Variants in PARP9 observed in about 807,000 individuals in gnomAD.
PARP9 encodes protein mono-ADP-ribosyltransferase PARP9.
Under a neutral mutation model 68.8 loss-of-function variants are expected in PARP9, and 48 were observed. The observed-to-expected ratio is 0.70, with a 90% CI of 0.55 to 0.89. PARP9 has a LOEUF of 0.89. Ranked by LOEUF, PARP9 falls within the 40% of genes least tolerant of loss-of-function variation. The pLI is 0.00. For missense variants in PARP9, 806 were observed against 969.3 expected, an observed-to-expected ratio of 0.83 and a Z score of 2.24; for synonymous variants, 309 against 333.8, an observed-to-expected ratio of 0.93 and a Z score of 0.81.
At chr3:122,557,171 A>T (rs1350853107) in intron 3 of PARP9, among the ~76,000 whole-genome samples, 1 of 151,744 alleles carries the variant, frequency 6.6e-6, no homozygotes. Context: ...TCTCAGAGGC[A>T]TTTCCCAGAG....
chr3:122,537,922 G>C (rs1258785365), intron 8 of PARP9, among the ~76,000 whole-genome samples: 2 of 151,968 alleles, frequency 1.3e-5, no homozygotes, highest in Non-Finnish European at 2.9e-5. Context: ...TAAATATACA[G>C]GTGGACAAAT....
Position 122,535,685 on chromosome 3 carries a change from C to T in PARP9, c.2080+483G>A, listed in dbSNP as rs1018553318. On this transcript the variant is annotated intron_variant, in intron 10 of 10. Transcript: ENST00000682323. ...GATCTTAAGATGTTATGCACTTCAC[C>T]TGCCAAATGATACCTAATTCATTCA... 10 of 987,988 alleles carry T rather than the reference C, an allele frequency of 1.0e-5. No homozygotes were observed. The African/African-American group carries it at 1.6e-4, about 16-fold the overall frequency. 61.2% of individuals were successfully genotyped at this position (987,988 alleles called of 1,614,324 possible).
At chr3:122,539,377 C>T (rs918689743) in intron 8 of PARP9, among the ~76,000 whole-genome samples, 1 of 152,150 alleles carries the variant, frequency 6.6e-6, no homozygotes, top group Non-Finnish European at 1.5e-5. Flanking sequence ...AGACTTTGAG[C>T]AGGAACAATG....
At position 122,555,321 on chromosome 3, in the gene PARP9, G is replaced by A. The variant is rs1351001314; in HGVS notation, c.850C>T (p.Leu284Phe). ...FNAMVVNNLT[L>F]QIVQGHIEWQ... ...TCAATGTGGCCCTGGACAATCTGGA[G>A]GGTCAGGTTGTTCACGACCATTGCA... Residue 284 changes from leucine to phenylalanine, a missense_variant, in exon 4 of 11, where the codon CTC becomes TTC. This residue lies in a region of PARP9 where 680 missense variants were observed against 858.8 expected (regional missense o/e 0.79). Transcript: ENST00000682323. The A allele has an allele frequency of 1.2e-6, 2 of 1,613,776 alleles. No homozygotes were observed. The highest frequency in any genetic ancestry group is 1.7e-6 in the Non-Finnish European group (2 of 1,179,770).
In PARP9 at chr3:122,556,133, GAGAAGATTAAAA is replaced by G. The variant is rs1559872620; in HGVS notation, c.50-24_50-13del. 14 of 169,062 alleles carry G rather than the reference GAGAAGATTAAAA, an allele frequency of 8.3e-5. No homozygotes were observed. Among genetic ancestry groups the G allele is most frequent in the Middle Eastern group, 2.0e-3 (1 of 508 alleles). 10.5% of individuals were successfully genotyped at this position (169,062 alleles called of 1,614,324 possible). ...AAGAGCACCAGTCTCTGGAAAAGAAGAGAAGATTAAAAAAAAAAAAAAAAAAAAAAAAAAAAA... is the reference window on the plus strand; with the variant it reads ...AAGAGCACCAGTCTCTGGAAAAGAAGAAAAAAAAAAAAAAAAAAAAAAAAA... On this transcript the variant is annotated splice_polypyrimidine_tract_variant and intron_variant, in intron 3 of 10. Transcript: ENST00000682323.
Position 122,550,617 on chromosome 3 carries a change from A to G in PARP9, c.1293T>C (p.Phe431=), listed in dbSNP as rs748613851. ...TCTCCAAATCTGTTGGAAAGATCAC[A>G]AATTTTACAGTTAACTGGTGTTTTA... The part of the protein sequence containing the change: ...DHVKHQLTVK[F]VIFPTDLEIY... Residue 431 remains phenylalanine, a synonymous_variant, in exon 6 of 11, where the codon TTT becomes TTC. Transcript: ENST00000682323. 2.5e-6 allele frequency: 4 copies of G among 1,613,296 alleles called. No individual in the cohort carries two copies. In the East Asian group the frequency reaches 8.9e-5, roughly 36 times the overall value.
chr3:122,546,561 A>G (rs1321782791), intron 6 of PARP9, among the ~76,000 whole-genome samples: 1 of 152,228 alleles, frequency 6.6e-6, no homozygotes, highest in East Asian at 1.9e-4. Context: ...AAGAAAATAC[A>G]TGCTTATTAA....
In PARP9 at chr3:122,533,551, G is replaced by A. The variant is rs1161560767; in HGVS notation, c.2080+2617C>T. On this transcript the variant is annotated intron_variant, in intron 10 of 10. Coordinates refer to ENST00000682323, the MANE Select transcript of PARP9 (RefSeq NM_001146105.2). ...GGAAAAAAGAGAGAAGATAAAGAATGGGCAACAGGTGAACTCGTGAGATTA... is the reference window on the plus strand; with the variant it reads ...GGAAAAAAGAGAGAAGATAAAGAATAGGCAACAGGTGAACTCGTGAGATTA... The A allele has an allele frequency of 7.4e-5, 31 of 418,446 alleles. No individual in the cohort carries two copies. In the Admixed American group the frequency reaches 1.9e-3, roughly 26 times the overall value. The allele number at this position is 418,446 out of a possible 1,614,324, so 25.9% of individuals were successfully genotyped here. A position where few individuals can be genotyped will look rare whatever the true frequency, so the allele number is the denominator to read the frequency against.
intron 8 of PARP9, among the ~76,000 whole-genome samples, chr3:122,538,758 G>A (rs549789743): frequency 6.6e-6 from 1 of 151,844 alleles, no homozygotes; most frequent in South Asian, 2.1e-4. Flanking sequence ...GTTCCCCTAA[G>A]CTGGCACTGG....
At chr3:122,539,515 CT>C (rs1429357977) in intron 8 of PARP9, among the ~76,000 whole-genome samples, 1 of 23,182 alleles carries the variant, frequency 4.3e-5, no homozygotes, top group Non-Finnish European at 9.3e-5. Context: ...GCATTTCTTT[CT>C]TTCTTTCTTT....
chr3:122,549,433 C>A (rs2079015931), intron 6 of PARP9, among the ~76,000 whole-genome samples: 1 of 152,088 alleles, frequency 6.6e-6, no homozygotes, highest in Non-Finnish European at 1.5e-5. Context: ...GTTATATAGC[C>A]AGCGAGAGGC....
At position 122,528,375 on chromosome 3, in the gene PARP9, G is replaced by A. The variant is rs1261466540; in HGVS notation, c.2449C>T (p.Pro817Ser). 1.2e-6 allele frequency: 2 copies of A among 1,612,952 alleles called. No individual in the cohort carries two copies. The highest frequency in any genetic ancestry group is 4.5e-5 in the East Asian group (2 of 44,870). Residue 817 changes from proline to serine, a missense_variant, in exon 11 of 11, where the codon CCT (proline) becomes TCT (serine). Physicochemically the swap from Pro to Ser is moderately conservative, Grantham distance 74 (BLOSUM62 -1). Coordinates refer to ENST00000682323, the MANE Select transcript of PARP9 (RefSeq NM_001146105.2). ...AAATGATGTAGAGATTAATCAACAG[G>A]GCTGCCACTTGCGAATCCCCTCCAA... ...HPWRGFASGSPVD is the reference protein window; with the variant it reads ...HPWRGFASGSSVD
intron 6 of PARP9, among the ~76,000 whole-genome samples, chr3:122,546,746 C>G (rs2078727766): frequency 6.6e-6 from 1 of 151,828 alleles, no homozygotes; most frequent in Non-Finnish European, 1.5e-5. Context: ...GTATCATTCT[C>G]TGTGTTTCTG....
At chr3:122,558,129 A>G (rs939829853) in intron 3 of PARP9, among the ~76,000 whole-genome samples, 3 of 152,234 alleles carry the variant, frequency 2.0e-5, no homozygotes, top group Admixed American at 6.5e-5. Context: ...TTTAGCTTGT[A>G]TAGTACTCGT....
rs371220908 is a variant in PARP9 at position 122,559,634 on chromosome 3, G to A, written c.-14C>T. Reference sequence around the variant, plus strand: ...GGAAAAGTCCATCCTCCAGGTCCCCGGGGGAGTCTTTAAATGTTTATTCCC... The same window carrying A: ...GGAAAAGTCCATCCTCCAGGTCCCCAGGGGAGTCTTTAAATGTTTATTCCC... On this transcript the variant is annotated 5_prime_UTR_variant, in exon 2 of 11. Transcript: ENST00000682323. The A allele has an allele frequency of 3.8e-5, 60 of 1,586,104 alleles. No homozygotes were observed. The African/African-American group carries it at 5.2e-4, about 14-fold the overall frequency.
At chr3:122,558,733 C>G (rs558304062) in intron 2 of PARP9, among the ~76,000 whole-genome samples, 2 of 152,162 alleles carry the variant, frequency 1.3e-5, no homozygotes, top group African/African-American at 4.8e-5. Context: ...TTTTTCGAGA[C>G]AAGGTTTCAC....
rs200074797 is a variant in PARP9 at position 122,537,023 on chromosome 3, T to C, written c.1816A>G (p.Ile606Val). 18 of 1,613,518 alleles carry C rather than the reference T, an allele frequency of 1.1e-5. No homozygotes were observed. Among genetic ancestry groups the C allele is most frequent in the African/African-American group, 1.1e-4 (8 of 74,924 alleles). ...QKTQDEMKEN[I>V]IFLKCPVPPT... ...GGCACAGGACATTTCAGAAATATGA[T>C]ATTTTCTTTCATTTCGTCTTGGGTT... The change falls in exon 9 of 11, where the codon ATC becomes GTC. Residue 606 changes from isoleucine to valine, a missense_variant. Coordinates refer to ENST00000682323, the MANE Select transcript of PARP9 (RefSeq NM_001146105.2).
At chr3:122,542,672 G>C (rs377178255) in intron 7 of PARP9, among the ~76,000 whole-genome samples, 1 of 151,480 alleles carries the variant, frequency 6.6e-6, no homozygotes, top group Non-Finnish European at 1.5e-5. Context: ...TAGAGATGGG[G>C]TTTCACCATG....
intron 1 of PARP9, among the ~76,000 whole-genome samples, chr3:122,560,004 A>G (rs1576445790): frequency 6.6e-6 from 1 of 152,230 alleles, no homozygotes; most frequent in East Asian, 1.9e-4. Context: ...TGAAGGATGC[A>G]GGAGGTTTTT....
Sources: allele counts gnomAD v4.1 joint callset (sites outside exome capture counted in the v4.1 genomes callset), GRCh38; gene constraint gnomAD v4.1.1; regional missense constraint gnomAD v4.1.1; transcripts MANE v1.5; gene names NCBI Gene and HGNC (gene_info 2026-07-23, HGNC 2026-07-21).